The following KLHL18 variants were observed in gnomAD, a reference collection of about 807,000 sequenced individuals.
The protein encoded by KLHL18 is kelch like family member 18.
A neutral mutation model predicts 58.5 loss-of-function variants in KLHL18; 38 were observed. The ratio of observed to expected loss-of-function variants is 0.65; its 90% CI spans 0.50 to 0.85. KLHL18 has a LOEUF of 0.85. Ranked by LOEUF, KLHL18 falls within the 40% of genes least tolerant of loss-of-function variation. The pLI is 0.00. For synonymous variants in KLHL18, 303 were observed against 301.9 expected, an observed-to-expected ratio of 1.00 and a Z score of -0.04; for missense variants, 624 against 778.4, an observed-to-expected ratio of 0.80 and a Z score of 2.36.
intron 3 of KLHL18, among the ~76,000 whole-genome samples, chr3:47,326,028 A>G (rs1397988332): frequency 6.6e-6 from 1 of 151,614 alleles, no homozygotes; most frequent in East Asian, 1.9e-4. Flanking sequence ...GCTCACTGCA[A>G]CCACCACCTC....
At position 47,336,520 on chromosome 3, in the gene KLHL18, C is replaced by A; in HGVS notation, c.899-15C>A. 5 of 1,607,922 alleles carry A rather than the reference C, an allele frequency of 3.1e-6. No homozygotes were observed. Among genetic ancestry groups the A allele is most frequent in the Non-Finnish European group, 4.3e-6 (5 of 1,174,738 alleles). On this transcript the variant is annotated splice_polypyrimidine_tract_variant and intron_variant, in intron 6 of 9. Transcript: ENST00000232766. ...GTCTCATTTGTTTTAATTTGAGTAGCAAATTTTTATGCAGGTGATTCCCTG... is the reference window on the plus strand; with the variant it reads ...GTCTCATTTGTTTTAATTTGAGTAGAAAATTTTTATGCAGGTGATTCCCTG...
rs10687949 is a variant in KLHL18 at position 47,300,637 on chromosome 3, CTTTT to C, written c.129+17559_129+17562del. 8.3e-4 allele frequency among the ~76,000 whole-genome samples: 64 copies of C among 76,940 alleles called. 2 individuals carry two copies. Among genetic ancestry groups the C allele is most frequent in the East Asian group, 4.5e-4 (1 of 2,244 alleles). 50.5% of individuals were successfully genotyped at this position (76,940 alleles called of 152,430 possible). A position where few individuals can be genotyped will look rare whatever the true frequency, so the allele number is the denominator to read the frequency against. ...TGAGTAGTGGTATCTCATTGTGATT[CTTTT>C]TTTTTTTTTTTTTTTGAGACAGAGT... On this transcript the variant is annotated intron_variant, in intron 1 of 9. Transcript: ENST00000232766.
intron 7 of KLHL18, chr3:47,337,751 C>T (rs1326004470): frequency 6.6e-6 from 1 of 152,254 alleles, no homozygotes; most frequent in Admixed American, 6.5e-5. Flanking sequence ...TACGTAAGAT[C>T]TGCCCCTCCC....
At chr3:47,331,737 C>CT (rs774228257) in intron 4 of KLHL18, among the ~76,000 whole-genome samples, 7,989 of 140,486 alleles carry the variant, frequency 0.057, 705 homozygotes, top group African/African-American at 0.19. Context: ...CAGGCCCGAC[C>CT]TTTTTTTTTT....
At chr3:47,295,102 G>A (rs1436648048) in intron 1 of KLHL18, among the ~76,000 whole-genome samples, 2 of 152,134 alleles carry the variant, frequency 1.3e-5, no homozygotes, top group Non-Finnish European at 2.9e-5. Context: ...AGGGGTAATG[G>A]GAATGCAGGA....
chr3:47,314,445 C>T (rs1298230177), intron 1 of KLHL18, among the ~76,000 whole-genome samples: 1 of 152,068 alleles, frequency 6.6e-6, no homozygotes, highest in Non-Finnish European at 1.5e-5. Context: ...TCCAGGACCC[C>T]GCTAAGTGTT....
chr3:47,321,841 T>G (rs1460169922), intron 2 of KLHL18, among the ~76,000 whole-genome samples: 2 of 152,082 alleles, frequency 1.3e-5, no homozygotes, highest in African/African-American at 4.8e-5. Context: ...TTAATTGAAG[T>G]GAGGGAATGA....
At chr3:47,304,464 C>A (rs566668876) in intron 1 of KLHL18, among the ~76,000 whole-genome samples, 2 of 152,210 alleles carry the variant, frequency 1.3e-5, no homozygotes, top group African/African-American at 4.8e-5. Context: ...GATTATGCCA[C>A]TGCACTCTAG....
chr3:47,296,838 C>T (rs543846810), intron 1 of KLHL18, among the ~76,000 whole-genome samples: 2 of 152,290 alleles, frequency 1.3e-5, no homozygotes, highest in East Asian at 3.9e-4. Context: ...CGATTGAGTA[C>T]AGACTGTGTA....
At chr3:47,340,547 G>A in intron 7 of KLHL18, 25 bp from the exon 8 acceptor site, 2 of 1,613,772 alleles carry the variant, frequency 1.2e-6, no homozygotes, top group Non-Finnish European at 1.7e-6. Context: ...CGGCTCATCT[G>A]GGATGACAGC....
At chr3:47,283,993 C>T (rs1702573703) in intron 1 of KLHL18, among the ~76,000 whole-genome samples, 1 of 152,196 alleles carries the variant, frequency 6.6e-6, no homozygotes. Flanking sequence ...AATCCCAGCA[C>T]TTTGAGAGGC....
At chr3:47,327,562 A>G (rs757404386) in intron 3 of KLHL18, among the ~76,000 whole-genome samples, 1 of 152,256 alleles carries the variant, frequency 6.6e-6, no homozygotes, top group Non-Finnish European at 1.5e-5. Context: ...TTCAATCACT[A>G]TAAGTGCTTT....
At chr3:47,316,956 A>G (rs1343015726) in intron 1 of KLHL18, among the ~76,000 whole-genome samples, 1 of 151,812 alleles carries the variant, frequency 6.6e-6, no homozygotes. Context: ...AAACAAAAGA[A>G]CTAGAAGACA....
chr3:47,321,153 C>G (rs1359740155), intron 2 of KLHL18, among the ~76,000 whole-genome samples: 2 of 151,918 alleles, frequency 1.3e-5, no homozygotes, highest in African/African-American at 4.8e-5. Flanking sequence ...TCTCATTCTG[C>G]CAACCTTTTT....
In KLHL18 at chr3:47,331,040, A is replaced by G. The variant is rs1703846751; in HGVS notation, c.600+891A>G. ...AGCCACTGTGCCCGGCCTAGTATAG[A>G]TAACTTTTTGAAAGAATCTTGTTCT... is the stretch of plus-strand genomic sequence containing the variant. On this transcript the variant is annotated intron_variant, in intron 4 of 9. Coordinates refer to ENST00000232766, the MANE Select transcript of KLHL18 (RefSeq NM_025010.5). Among the ~76,000 whole-genome samples the G allele has an allele frequency of 3.3e-5, 5 of 151,042 alleles. No individual in the cohort carries two copies. In the South Asian group the frequency reaches 1.0e-3, roughly 32 times the overall value.
At chr3:47,328,319 T>C (rs1329027069) in intron 3 of KLHL18, among the ~76,000 whole-genome samples, 12 of 151,784 alleles carry the variant, frequency 7.9e-5, no homozygotes, top group Admixed American at 6.6e-4. Flanking sequence ...TGAGCCATAA[T>C]TGCACCACTA....
At chr3:47,305,334 G>GTTTTTTTTTT (rs397744565) in intron 1 of KLHL18, among the ~76,000 whole-genome samples, 4 of 70,386 alleles carry the variant, frequency 5.7e-5, no homozygotes, top group Non-Finnish European at 8.0e-5. Context: ...ATTTTGTCAA[G>GTTTTTTTTTT]TTTTTTTTTT....
chr3:47,305,486 T>G (rs1207838322), intron 1 of KLHL18, among the ~76,000 whole-genome samples: 1 of 152,034 alleles, frequency 6.6e-6, no homozygotes, highest in Non-Finnish European at 1.5e-5. Context: ...ATATAATTAT[T>G]TTTATATATT....
At chr3:47,284,337 C>CTTTTT (rs767276527) in intron 1 of KLHL18, among the ~76,000 whole-genome samples, 3 of 127,146 alleles carry the variant, frequency 2.4e-5, no homozygotes, top group Admixed American at 1.8e-4. Flanking sequence ...TTTCTTTTTT[C>CTTTTT]TTTTTTTTTT....
Sources: gnomAD v4.1 joint callset for allele counts (sites outside exome capture counted in the v4.1 genomes callset) on GRCh38, gnomAD v4.1.1 for gene constraint, MANE v1.5 for transcripts, NCBI Gene and HGNC (gene_info 2026-07-23, HGNC 2026-07-21) for gene names.